CUX1: variants seen among roughly 807,000 people sequenced by gnomAD.
CUX1 encodes cut like homeobox 1.
Under a neutral mutation model 158.8 loss-of-function variants are expected in CUX1, and 31 were observed. The observed-to-expected ratio is 0.20, with a 90% CI of 0.15 to 0.26. CUX1 has a LOEUF of 0.26. Among genes scored for constraint, CUX1 ranks in the 10% least tolerant of loss-of-function variants. CUX1 has a pLI of 1.00. For missense variants in CUX1, 1,589 were observed against 2,014.6 expected, an observed-to-expected ratio of 0.79 and a Z score of 4.04; for synonymous variants, 879 against 862.1, an observed-to-expected ratio of 1.02 and a Z score of -0.34.
At chr7:102,278,161 G>T in intron 18 of CUX1, 1 of 843,810 alleles carries the variant, frequency 1.2e-6, no homozygotes, top group Non-Finnish European at 1.9e-6. Flanking sequence ...ACCAAGACCT[G>T]CTGGGCAGCA....
At chr7:101,818,538 T>G (rs1447677312) in intron 1 of CUX1, among the ~76,000 whole-genome samples, 1 of 152,202 alleles carries the variant, frequency 6.6e-6, no homozygotes, top group East Asian at 1.9e-4. Flanking sequence ...GCTCCAGGGT[T>G]CCATCGAAAG....
intron 1 of CUX1, among the ~76,000 whole-genome samples, chr7:101,892,339 A>G (rs1375390121): frequency 6.6e-6 from 1 of 152,218 alleles, no homozygotes; most frequent in Non-Finnish European, 1.5e-5. Context: ...TTTAATCTGG[A>G]AAGAAAATGT....
Position 102,254,656 on chromosome 7 carries a change from A to G in CUX1, c.*5614A>G, listed in dbSNP as rs1554541417. On this transcript the variant is annotated 3_prime_UTR_variant, in exon 24 of 24. Coordinates refer to ENST00000292535, the MANE Select transcript of CUX1 (RefSeq NM_181552.4). Reference sequence around the variant, plus strand: ...TGGGCATTGACCAGCCAAAGCTCACATTTAGAAAGCCCTCAGTGCTTCTGT... The same window carrying G: ...TGGGCATTGACCAGCCAAAGCTCACGTTTAGAAAGCCCTCAGTGCTTCTGT... The G allele has an allele frequency of 4.1e-6, 4 of 985,314 alleles. No individual in the cohort carries two copies. The East Asian group carries it at 3.4e-4, about 84-fold the overall frequency. 61.0% of individuals were successfully genotyped at this position (985,314 alleles called of 1,614,324 possible).
chr7:101,847,222 G>C (rs187951186), intron 1 of CUX1, among the ~76,000 whole-genome samples: 3 of 152,292 alleles, frequency 2.0e-5, no homozygotes, highest in Admixed American at 1.3e-4. Flanking sequence ...AAATGTCAAG[G>C]CCAAGACAAA....
intron 5 of CUX1, among the ~76,000 whole-genome samples, chr7:102,099,886 G>A (rs1301099354): frequency 3.9e-5 from 6 of 152,038 alleles, no homozygotes; most frequent in African/African-American, 1.4e-4. Context: ...TTGCACAGGG[G>A]CTGACCAGGA....
chr7:102,184,885 A>C (rs1406216903), intron 11 of CUX1, among the ~76,000 whole-genome samples: 1 of 152,132 alleles, frequency 6.6e-6, no homozygotes, highest in African/African-American at 2.4e-5. Flanking sequence ...GGCTCAAGCA[A>C]TCCTCCTGCC....
At chr7:102,271,579 G>A (rs893074981) in intron 14 of CUX1, among the ~76,000 whole-genome samples, 2 of 152,196 alleles carry the variant, frequency 1.3e-5, no homozygotes, top group African/African-American at 4.8e-5. Flanking sequence ...GTCCCTGCAG[G>A]TGGCCCAGGG....
At chr7:102,087,873 A>C (rs781956481) in intron 4 of CUX1, among the ~76,000 whole-genome samples, 1 of 152,194 alleles carries the variant, frequency 6.6e-6, no homozygotes, top group African/African-American at 2.4e-5. Flanking sequence ...CGTGGATTCA[A>C]GTATGCACGT....
intron 2 of CUX1, among the ~76,000 whole-genome samples, chr7:101,955,963 C>T (rs1475214504): frequency 6.6e-6 from 1 of 151,756 alleles, no homozygotes; most frequent in Non-Finnish European, 1.5e-5. Context: ...GTGGGCGGAT[C>T]ACGAGGTCAG....
chr7:102,260,570 C>CT (rs55642237), downstream of CUX1, among the ~76,000 whole-genome samples: 293 of 51,078 alleles, frequency 5.7e-3, 21 homozygotes, highest in Non-Finnish European at 5.3e-3. Flanking sequence ...CCACACCTGG[C>CT]TTTTTTTTTT....
intron 2 of CUX1, among the ~76,000 whole-genome samples, chr7:102,005,269 G>C (rs1227168410): frequency 6.6e-6 from 1 of 152,246 alleles, no homozygotes; most frequent in African/African-American, 2.4e-5. Context: ...GCTCACGCCT[G>C]TAATCCCTGA....
chr7:102,155,490 G>A (rs534178954), intron 8 of CUX1, among the ~76,000 whole-genome samples: 6 of 151,836 alleles, frequency 4.0e-5, no homozygotes, highest in African/African-American at 1.2e-4. Flanking sequence ...AGGTTGCAGT[G>A]AGCCAAGATC....
intron 10 of CUX1, among the ~76,000 whole-genome samples, chr7:102,173,742 A>C (rs571747994): frequency 6.6e-6 from 1 of 152,300 alleles, no homozygotes; most frequent in East Asian, 1.9e-4. Flanking sequence ...ATGTTTTTGC[A>C]GGTAGAGTCC....
At chr7:101,909,129 T>C (rs1803104036) in intron 1 of CUX1, among the ~76,000 whole-genome samples, 1 of 151,728 alleles carries the variant, frequency 6.6e-6, no homozygotes, top group Non-Finnish European at 1.5e-5. Flanking sequence ...GGAGGATCGC[T>C]TGAGGCCAGG....
intron 8 of CUX1, among the ~76,000 whole-genome samples, chr7:102,123,712 G>C (rs578018430): frequency 6.6e-6 from 1 of 151,832 alleles, no homozygotes; most frequent in East Asian, 1.9e-4. Flanking sequence ...ACCCAGGCTA[G>C]AGTACAGTGA....
At chr7:101,892,286 A>T (rs1288048416) in intron 1 of CUX1, among the ~76,000 whole-genome samples, 1 of 152,210 alleles carries the variant, frequency 6.6e-6, no homozygotes, top group Non-Finnish European at 1.5e-5. Context: ...AGCACATTTT[A>T]AATAAGATTA....
intron 2 of CUX1, among the ~76,000 whole-genome samples, chr7:101,979,378 G>A (rs1813123888): frequency 6.6e-6 from 1 of 152,208 alleles, no homozygotes; most frequent in Non-Finnish European, 1.5e-5. Flanking sequence ...GTTGGCAAAA[G>A]CCCAAGTTAA....
chr7:101,914,140 C>A (rs920359376), intron 1 of CUX1, among the ~76,000 whole-genome samples: 2 of 151,754 alleles, frequency 1.3e-5, no homozygotes, highest in African/African-American at 4.8e-5. Flanking sequence ...CTTTTTTCTG[C>A]AATAGCTTTG....
intron 23 of CUX1, among the ~76,000 whole-genome samples, chr7:102,243,679 A>ATAATAATAAT (rs1554535722): frequency 1.4e-5 from 2 of 144,144 alleles, no homozygotes; most frequent in Non-Finnish European, 1.5e-5. Flanking sequence ...AATAATAATA[A>ATAATAATAAT]AATAAATGAA....
Sources: allele counts gnomAD v4.1 joint callset (sites outside exome capture counted in the v4.1 genomes callset), GRCh38; gene constraint gnomAD v4.1.1; transcripts MANE v1.5; gene names NCBI Gene and HGNC (gene_info 2026-07-23, HGNC 2026-07-21).